Variants in OLFML2B observed in about 807,000 individuals in gnomAD.
The protein encoded by OLFML2B is olfactomedin-like protein 2B.
Under a neutral mutation model 74.9 loss-of-function variants are expected in OLFML2B, and 57 were observed. The ratio of observed to expected loss-of-function variants is 0.76; its 90% CI spans 0.61 to 0.95. The LOEUF (loss-of-function observed/expected upper bound fraction) is 0.95. OLFML2B is among the 40% of genes least tolerant of loss of function. The pLI, the probability that OLFML2B is intolerant of heterozygous loss-of-function variation, is 0.00. For missense variants in OLFML2B, 986 were observed against 970.6 expected (o/e 1.02, Z -0.21); for synonymous variants, 388 against 405.8 (o/e 0.96, Z 0.53).
At chr1:162,016,609 G>A (rs7548292) in intron 3 of OLFML2B, among the ~76,000 whole-genome samples, 136,462 of 152,272 alleles carry the variant, frequency 0.9, 61,217 homozygotes, top group Admixed American at 0.92. Flanking sequence ...CAAGAACCAG[G>A]TGCGAGTCAA....
chr1:161,988,459 C>T (rs932993342), intron 6 of OLFML2B, among the ~76,000 whole-genome samples: 32 of 152,126 alleles, frequency 2.1e-4, no homozygotes, highest in African/African-American at 3.6e-4. Context: ...CCCCTCAACC[C>T]GACTGCTGCC....
chr1:162,015,903 C>T (rs1487734282), intron 3 of OLFML2B, among the ~76,000 whole-genome samples: 3 of 152,152 alleles, frequency 2.0e-5, no homozygotes, highest in African/African-American at 7.2e-5. Context: ...ATCTCAGGAT[C>T]CAAAACCCTG....
At chr1:162,022,488 A>T (rs1272829615) in intron 1 of OLFML2B, among the ~76,000 whole-genome samples, 1 of 151,878 alleles carries the variant, frequency 6.6e-6, no homozygotes. Context: ...TGACCTCGTG[A>T]TCTGCCCGCC....
At chr1:162,005,818 T>C (rs1005425268) in intron 4 of OLFML2B, among the ~76,000 whole-genome samples, 1 of 146,678 alleles carries the variant, frequency 6.8e-6, no homozygotes, top group Non-Finnish European at 1.5e-5. Flanking sequence ...GGCAGGAGGA[T>C]CACTTGAGCC....
In OLFML2B at chr1:161,984,096, G is replaced by A; in HGVS notation, c.1832C>T (p.Pro611Leu). The A allele has an allele frequency of 6.2e-7, 1 of 1,612,244 alleles. No homozygotes were observed. Among genetic ancestry groups the A allele is most frequent in the South Asian group, 1.1e-5 (1 of 90,936 alleles). ...LHDVAYEEAT[P>L]WRWQGHSDVD... is the part of the protein sequence containing the mutation. Reference sequence around the variant, plus strand: ...GTCTGAGTGGCCCTGCCATCGCCAGGGGGTGGCCTCCTCGTAGGCCACGTC... The same window carrying A: ...GTCTGAGTGGCCCTGCCATCGCCAGAGGGTGGCCTCCTCGTAGGCCACGTC... Residue 611 changes from proline to leucine, a missense_variant, in exon 8 of 8, where the codon CCC becomes CTC. Pro to Leu is a moderately conservative substitution (Grantham distance 98). Coordinates refer to ENST00000294794, the MANE Select transcript of OLFML2B (RefSeq NM_015441.3).
chr1:162,017,546 A>G (rs1690577869), intron 2 of OLFML2B, 39 bp from the exon 3 acceptor site: 1 of 1,455,690 alleles, frequency 6.9e-7, no homozygotes, highest in Admixed American at 2.0e-5. Context: ...GGGCTGGGGC[A>G]CACAGACACA....
rs757859836 is a variant in OLFML2B at position 162,006,465 on chromosome 1, A to G, written c.555T>C (p.Ser185=). Residue 185 remains serine, a synonymous_variant, in exon 4 of 8, where the codon TCT becomes TCC. Transcript: ENST00000294794. ...GTTCATTTTCCTTGGTGAGGTTTTT[A>G]GACACTTCCTGAGAAGGAAAAAAAA... The part of the protein sequence containing the change: ...GRVDKLEEEV[S]KNLTKENEQI... 1 of 1,551,004 alleles carries G rather than the reference A, an allele frequency of 6.4e-7. No homozygotes were observed. The highest frequency in any genetic ancestry group is 2.3e-5 in the East Asian group (1 of 43,292).
chr1:162,002,796 C>T (rs1023056962), intron 4 of OLFML2B, among the ~76,000 whole-genome samples: 1 of 152,236 alleles, frequency 6.6e-6, no homozygotes, highest in South Asian at 2.1e-4. Context: ...GCAGCCCCAA[C>T]TCCTGCTCCT....
intron 3 of OLFML2B, among the ~76,000 whole-genome samples, chr1:162,015,394 GC>G (rs1690501750): frequency 1.3e-5 from 2 of 152,166 alleles, no homozygotes; most frequent in Non-Finnish European, 2.9e-5. Flanking sequence ...CTTCTCAGAG[GC>G]TGAGTACCTG....
intron 1 of OLFML2B, among the ~76,000 whole-genome samples, chr1:162,022,251 T>C (rs1389453392): frequency 3.1e-5 from 4 of 128,998 alleles, no homozygotes; most frequent in African/African-American, 9.0e-5. Flanking sequence ...CTTCTTTTTT[T>C]TTTTTTTTTT....
At chr1:162,006,931 AAACAAC>A (rs561869643) in intron 3 of OLFML2B, among the ~76,000 whole-genome samples, 1 of 152,076 alleles carries the variant, frequency 6.6e-6, no homozygotes, top group Non-Finnish European at 1.5e-5. Context: ...CAAACAAAAC[AAACAAC>A]AACAACAACA....
chr1:162,008,107 T>C (rs1401974274), intron 3 of OLFML2B, among the ~76,000 whole-genome samples: 1 of 152,198 alleles, frequency 6.6e-6, no homozygotes, highest in Non-Finnish European at 1.5e-5. Flanking sequence ...TCATCCTCCA[T>C]GCTGCTATTG....
chr1:161,984,381 T>A (rs1215535515), intron 7 of OLFML2B, 105 bp from the exon 8 acceptor site: 11 of 1,454,072 alleles, frequency 7.6e-6, no homozygotes, highest in Non-Finnish European at 1.0e-5. Flanking sequence ...GAAACCCAGG[T>A]TTGTGTCTTG....
chr1:161,999,386 C>CAA (rs67455805), intron 5 of OLFML2B, among the ~76,000 whole-genome samples: 2 of 151,390 alleles, frequency 1.3e-5, no homozygotes, highest in African/African-American at 4.9e-5. Context: ...AAAAAATGAC[C>CAA]AAAAAAAACA....
intron 4 of OLFML2B, among the ~76,000 whole-genome samples, chr1:162,004,400 A>G (rs1025494788): frequency 6.6e-6 from 1 of 152,234 alleles, no homozygotes; most frequent in African/African-American, 2.4e-5. Context: ...GAAATATGAT[A>G]TTTCCAAAAA....
chr1:161,994,825 A>G (rs6427644), intron 6 of OLFML2B, among the ~76,000 whole-genome samples: 86,719 of 151,756 alleles, frequency 0.57, 25,542 homozygotes, highest in Middle Eastern at 0.68. Context: ...CCTGAGGATA[A>G]TGGTAGACAT....
chr1:162,007,409 C>T (rs1174995582), intron 3 of OLFML2B, among the ~76,000 whole-genome samples: 9 of 152,156 alleles, frequency 5.9e-5, no homozygotes, highest in Non-Finnish European at 2.9e-5. Context: ...GGAAAGTTGT[C>T]GACAGCCTTA....
chr1:162,014,746 G>A (rs1690483219), intron 3 of OLFML2B, among the ~76,000 whole-genome samples: 1 of 152,192 alleles, frequency 6.6e-6, no homozygotes, highest in African/African-American at 2.4e-5. Context: ...AGACCCATCT[G>A]AAGACTACTG....
chr1:161,997,762 T>A, intron 6 of OLFML2B, 63 bp downstream of exon 6: 1 of 1,517,858 alleles, frequency 6.6e-7, no homozygotes, highest in Non-Finnish European at 8.9e-7. Context: ...TCTCAAGATA[T>A]TTCCAGGCTC....
Sources: allele counts gnomAD v4.1 joint callset (sites outside exome capture counted in the v4.1 genomes callset), GRCh38; gene constraint gnomAD v4.1.1; transcripts MANE v1.5; gene names NCBI Gene and HGNC (gene_info 2026-07-23, HGNC 2026-07-21).